GNG7: variants seen among roughly 807,000 people sequenced by gnomAD.
The protein encoded by GNG7 is G protein subunit gamma 7.
In GNG7, 1 loss-of-function variant was observed where a neutral mutation model predicts 4.0. The ratio of observed to expected loss-of-function variants is 0.25; its 90% CI spans 0.09 to 1.18. The LOEUF (loss-of-function observed/expected upper bound fraction) is 1.18, where lower values mean the gene tolerates loss of function less well. Among genes scored for constraint, GNG7 ranks in the 50% most tolerant of loss-of-function variants. The probability of loss-of-function intolerance (pLI) is 0.50; values close to 1 mark genes in which losing one functional copy is unlikely to be tolerated. For missense variants in GNG7, 86 were observed against 91.9 expected, an observed-to-expected ratio of 0.94 and a Z score of 0.26; for synonymous variants, 34 against 36.9, an observed-to-expected ratio of 0.92 and a Z score of 0.29.
At chr19:2,526,846 T>C (rs1978413220) in intron 3 of GNG7, among the ~76,000 whole-genome samples, 1 of 151,172 alleles carries the variant, frequency 6.6e-6, no homozygotes, top group South Asian at 2.1e-4. Flanking sequence ...ATATTGTTTA[T>C]CTTAACTTTT....
intron 2 of GNG7, among the ~76,000 whole-genome samples, chr19:2,576,882 C>T (rs1222035743): frequency 6.6e-6 from 1 of 151,380 alleles, no homozygotes; most frequent in Non-Finnish European, 1.5e-5. Flanking sequence ...CAGGGTCTCG[C>T]TATGTGGCCC....
chr19:2,674,800 G>GAA (rs1161066476), intron 1 of GNG7, among the ~76,000 whole-genome samples: 1 of 152,144 alleles, frequency 6.6e-6, no homozygotes, highest in African/African-American at 2.4e-5. Flanking sequence ...GAGTGTTGAA[G>GAA]AAAACAGAGA....
At chr19:2,625,778 G>T (rs1014429505) in intron 2 of GNG7, among the ~76,000 whole-genome samples, 3 of 152,058 alleles carry the variant, frequency 2.0e-5, no homozygotes, top group Admixed American at 6.6e-5. Context: ...TTTGGTTTTG[G>T]GGTTTTTTGT....
intron 2 of GNG7, among the ~76,000 whole-genome samples, chr19:2,621,328 T>A (rs1981863287): frequency 6.6e-6 from 1 of 151,764 alleles, no homozygotes; most frequent in Non-Finnish European, 1.5e-5. Context: ...ATTTCAGGGC[T>A]GCAGTGAGCT....
intron 3 of GNG7, among the ~76,000 whole-genome samples, chr19:2,543,041 T>C (rs925648821): frequency 2.6e-5 from 4 of 151,544 alleles, no homozygotes; most frequent in African/African-American, 9.7e-5. Context: ...GTCTCCCGAG[T>C]AGCTGGGATT....
intron 2 of GNG7, among the ~76,000 whole-genome samples, chr19:2,568,254 TAC>T (rs1320295606): frequency 9.3e-5 from 13 of 140,066 alleles, no homozygotes; most frequent in African/African-American, 1.6e-4. Flanking sequence ...CATATAGACA[TAC>T]ACACATATAG....
At position 2,614,628 on chromosome 19, in the gene GNG7, C is replaced by T. The variant is rs568865809; in HGVS notation, c.-78+31596G>A. Among the ~76,000 whole-genome samples, 8 of 152,308 alleles carry T rather than the reference C, an allele frequency of 5.3e-5. No homozygotes were observed. The East Asian group carries it at 5.8e-4, about 11-fold the overall frequency. Reference sequence around the variant, plus strand: ...CTGCACGTGGCCTGGGTCAGAGTCTCGTTCACGGCTGAGTCTCGTTCCAGT... The same window carrying T: ...CTGCACGTGGCCTGGGTCAGAGTCTTGTTCACGGCTGAGTCTCGTTCCAGT... On this transcript the variant is annotated intron_variant, in intron 2 of 4. Coordinates refer to ENST00000382159, the MANE Select transcript of GNG7 (RefSeq NM_052847.3). The surrounding 1 kb of genome is among the most constrained non-coding windows in gnomAD (Gnocchi z 6.0).
In GNG7 at chr19:2,618,834, G is replaced by A. The variant is rs73919814; in HGVS notation, c.-78+27390C>T. ...CTTCCTAGTAACCAAATGCCACAGC[G>A]ATTCAGCTTCCCTCAGTTTTCCCCT... On this transcript the variant is annotated intron_variant, in intron 2 of 4. Transcript: ENST00000382159. The surrounding 1 kb of genome is among the most constrained non-coding windows in gnomAD (Gnocchi z 5.1). 4.2e-3 allele frequency among the ~76,000 whole-genome samples: 638 copies of A among 152,124 alleles called. 5 individuals are homozygous for A. Among genetic ancestry groups the A allele is most frequent in the African/African-American group, 0.015 (602 of 41,484 alleles).
At chr19:2,661,953 C>T (rs962334038) in intron 1 of GNG7, among the ~76,000 whole-genome samples, 5 of 152,176 alleles carry the variant, frequency 3.3e-5, no homozygotes, top group Non-Finnish European at 7.3e-5. Context: ...TTTCCTCTTG[C>T]TCTCACATCA....
chr19:2,615,899 T>C (rs1212278989), intron 2 of GNG7, among the ~76,000 whole-genome samples: 3 of 152,212 alleles, frequency 2.0e-5, no homozygotes, highest in Admixed American at 1.3e-4. Flanking sequence ...CAGCCAGCAA[T>C]GTGCCTGACA....
intron 2 of GNG7, among the ~76,000 whole-genome samples, chr19:2,563,282 C>T (rs1036109225): frequency 2.6e-5 from 4 of 152,006 alleles, no homozygotes; most frequent in Non-Finnish European, 4.4e-5. Context: ...AGGTCTCTCC[C>T]GTTCTGTACT....
Position 2,609,495 on chromosome 19 carries a change from T to C in GNG7, c.-78+36729A>G, listed in dbSNP as rs1285408874. ...AACTGCAGTTTAGCCGCTCACTTGC[T>C]GGAGGACCTCAGGCTCTCTTCCGTG... is the stretch of plus-strand genomic sequence containing the variant. On this transcript the variant is annotated intron_variant, in intron 2 of 4. Transcript: ENST00000382159. The surrounding 1 kb of genome is among the most constrained non-coding windows in gnomAD (Gnocchi z 4.4). 6.6e-6 allele frequency among the ~76,000 whole-genome samples: 1 copy of C among 152,166 alleles called. No homozygotes were observed. Among genetic ancestry groups the C allele is most frequent in the Non-Finnish European group, 1.5e-5 (1 of 68,040 alleles).
chr19:2,550,234 T>G (rs114835681), intron 3 of GNG7, among the ~76,000 whole-genome samples: 141 of 152,214 alleles, frequency 9.3e-4, no homozygotes, highest in African/African-American at 2.9e-3. Flanking sequence ...CTGGCTTATT[T>G]TGAGACGGAG....
chr19:2,602,954 TTC>T (rs1327122633), intron 2 of GNG7, among the ~76,000 whole-genome samples: 1 of 146,330 alleles, frequency 6.8e-6, no homozygotes, highest in Non-Finnish European at 1.5e-5. Context: ...TTTCTTTCTT[TTC>T]TTTCTCTTTC....
intron 4 of GNG7, 44 bp from the exon 5 acceptor site, chr19:2,515,191 G>A: frequency 6.2e-7 from 1 of 1,609,912 alleles, no homozygotes; most frequent in Non-Finnish European, 8.5e-7. Flanking sequence ...CATAAGAAGA[G>A]GCTGGCACAC....
chr19:2,596,863 C>T (rs772922682), intron 2 of GNG7, among the ~76,000 whole-genome samples: 3 of 152,160 alleles, frequency 2.0e-5, no homozygotes, highest in Non-Finnish European at 2.9e-5. Flanking sequence ...ACAGGGTGAA[C>T]ATCAATTCTT....
At chr19:2,608,504 C>A (rs1220305374) in intron 2 of GNG7, among the ~76,000 whole-genome samples, 1 of 152,184 alleles carries the variant, frequency 6.6e-6, no homozygotes, top group Non-Finnish European at 1.5e-5. Context: ...GGACGGGCAG[C>A]AGGCTCACGT....
chr19:2,578,281 C>A (rs1037539254), intron 2 of GNG7, among the ~76,000 whole-genome samples: 2 of 152,104 alleles, frequency 1.3e-5, no homozygotes, highest in African/African-American at 4.8e-5. Context: ...CCCGTTAGAG[C>A]CGGGGGCCCT....
At chr19:2,662,957 A>AT (rs1455975765) in intron 1 of GNG7, among the ~76,000 whole-genome samples, 1 of 152,162 alleles carries the variant, frequency 6.6e-6, no homozygotes, top group Non-Finnish European at 1.5e-5. Flanking sequence ...GATTCCAAGG[A>AT]TTTTAGGAGT....
Sources: allele counts gnomAD v4.1 joint callset (sites outside exome capture counted in the v4.1 genomes callset), GRCh38; gene constraint gnomAD v4.1.1; non-coding constraint Gnocchi (gnomAD v3.1); transcripts MANE v1.5; gene names NCBI Gene and HGNC (gene_info 2026-07-23, HGNC 2026-07-21).